Variants in TMEM273 observed in about 807,000 individuals in gnomAD.
TMEM273 encodes chromosome 10 open reading frame 128.
A neutral mutation model predicts 17.9 loss-of-function variants in TMEM273; 19 were observed. The observed-to-expected ratio is 1.06, with a 90% CI of 0.74 to 1.55. The LOEUF is 1.55. Among genes scored for constraint, TMEM273 ranks in the 40% most tolerant of loss-of-function variants. TMEM273 has a pLI of 0.00. For synonymous variants in TMEM273, 66 were observed against 62.0 expected, an observed-to-expected ratio of 1.07 and a Z score of -0.31; for missense variants, 194 against 155.6, an observed-to-expected ratio of 1.25 and a Z score of -1.31.
Position 49,166,975 on chromosome 10 carries a change from A to G in TMEM273, c.132T>C (p.Gly44=), listed in dbSNP as rs1846233474. Residue 44 remains glycine, a synonymous_variant, in exon 3 of 7, where the codon GGT becomes GGC. Coordinates refer to ENST00000374153, the MANE Select transcript of TMEM273 (RefSeq NM_001288740.3). ...CCAGGAAGCCAGCAGATATGGCGAC[A>G]CCCACAGCAGTCCCGATGAGGGCGT... The part of the protein sequence containing the change: ...FKYALIGTAV[G]VAISAGFLAL... 5 of 1,614,078 alleles carry G rather than the reference A, an allele frequency of 3.1e-6. No individual in the cohort carries two copies. The highest frequency in any genetic ancestry group is 4.2e-6 in the Non-Finnish European group (5 of 1,180,046).
intron 1 of TMEM273, among the ~76,000 whole-genome samples, chr10:49,186,353 A>AAT (rs1267394874): frequency 2.0e-5 from 3 of 152,208 alleles, no homozygotes; most frequent in African/African-American, 7.2e-5. Flanking sequence ...AGTGTTGAAT[A>AAT]ATACCCTGTG....
At chr10:49,182,054 CT>C (rs1847378296) in intron 1 of TMEM273, among the ~76,000 whole-genome samples, 1 of 152,222 alleles carries the variant, frequency 6.6e-6, no homozygotes, top group Admixed American at 6.5e-5. Flanking sequence ...AACTCTTGCC[CT>C]ATCAGGAAGT....
chr10:49,164,431 C>T (rs899907118), intron 5 of TMEM273, among the ~76,000 whole-genome samples: 4 of 152,150 alleles, frequency 2.6e-5, no homozygotes, highest in Admixed American at 2.6e-4. Flanking sequence ...AGCACATCTT[C>T]CTGGCTGCAG....
In TMEM273 at chr10:49,154,896, A is replaced by C. The variant is rs1845428159; in HGVS notation, c.*996T>G. ...GAGTCCAGGCAAATCATGACAACAC[A>C]GCACTTTGTTCTGAAATATAGCTCA... On this transcript the variant is annotated 3_prime_UTR_variant, in exon 7 of 7. Coordinates refer to ENST00000374153, the MANE Select transcript of TMEM273 (RefSeq NM_001288740.3). The C allele has an allele frequency of 6.6e-6, 1 of 152,250 alleles. No individual in the cohort carries two copies. The highest frequency in any genetic ancestry group is 2.1e-4 in the South Asian group (1 of 4,832). The allele number at this position is 152,250 out of a possible 1,614,324, so 9.4% of individuals were successfully genotyped here.
intron 6 of TMEM273, chr10:49,160,583 A>G (rs1204551176): frequency 6.6e-6 from 1 of 152,212 alleles, no homozygotes; most frequent in Non-Finnish European, 1.5e-5. Flanking sequence ...GCAATAAAAG[A>G]TACTTCTGAA....
intron 1 of TMEM273, chr10:49,178,374 C>G (rs1590239174): frequency 2.2e-6 from 1 of 446,020 alleles, no homozygotes; most frequent in African/African-American, 2.0e-5. Flanking sequence ...TGAGCAGGTT[C>G]TAGAGCAATG....
intron 1 of TMEM273, among the ~76,000 whole-genome samples, chr10:49,174,643 A>G (rs1310978726): frequency 1.3e-5 from 2 of 152,128 alleles, no homozygotes; most frequent in African/African-American, 4.8e-5. Flanking sequence ...CTGGGGCAGA[A>G]CCCAAACCTA....
In TMEM273 at chr10:49,165,434, C is replaced by T. The variant is rs1048519308; in HGVS notation, c.270-151G>A. 2.1e-4 allele frequency: 308 copies of T among 1,494,752 alleles called. 1 individual carries two copies. The highest frequency in any genetic ancestry group is 1.2e-3 in the Middle Eastern group (5 of 4,144). 92.6% of individuals were successfully genotyped at this position (1,494,752 alleles called of 1,614,324 possible). A position where few individuals can be genotyped will look rare whatever the true frequency, so the allele number is the denominator to read the frequency against. ...ACCTGGGACAAACCACGTGTGACCT[C>T]CCAAGTGACAGGGGCTGGAGGCCTC... On this transcript the variant is annotated intron_variant, in intron 4 of 6. Transcript: ENST00000374153.
chr10:49,155,858 A>C lies in TMEM273; in HGVS notation c.*34T>G. ...ACCATGGGCTGTTTTCCACGGGGCTAGAACCCCTCTTCACGTCACTGCTCA... is the reference window on the plus strand; with the variant it reads ...ACCATGGGCTGTTTTCCACGGGGCTCGAACCCCTCTTCACGTCACTGCTCA... On this transcript the variant is annotated 3_prime_UTR_variant, in exon 7 of 7. Coordinates refer to ENST00000374153, the MANE Select transcript of TMEM273 (RefSeq NM_001288740.3). 1 of 1,614,168 alleles carries C rather than the reference A, an allele frequency of 6.2e-7. No individual in the cohort carries two copies. Among genetic ancestry groups the C allele is most frequent in the Non-Finnish European group, 8.5e-7 (1 of 1,180,020 alleles).
intron 1 of TMEM273, among the ~76,000 whole-genome samples, chr10:49,184,807 C>T (rs573085475): frequency 1.8e-4 from 28 of 152,292 alleles, no homozygotes; most frequent in South Asian, 8.3e-4. Flanking sequence ...GAGGGCTCAT[C>T]GAAGCCTCAG....
At chr10:49,174,069 A>T (rs1186629106) in intron 1 of TMEM273, among the ~76,000 whole-genome samples, 7 of 152,058 alleles carry the variant, frequency 4.6e-5, no homozygotes. Context: ...CCCTTTTTTC[A>T]TCTGAAAATG....
chr10:49,180,203 C>A (rs1466702319), intron 1 of TMEM273, among the ~76,000 whole-genome samples: 1 of 152,174 alleles, frequency 6.6e-6, no homozygotes, highest in East Asian at 1.9e-4. Context: ...CACGAGGCTA[C>A]CCCCACCCCA....
At chr10:49,162,130 A>G (rs1261807913) in intron 5 of TMEM273, among the ~76,000 whole-genome samples, 1 of 152,224 alleles carries the variant, frequency 6.6e-6, no homozygotes, top group African/African-American at 2.4e-5. Flanking sequence ...AAAAACACAT[A>G]TAACAGAGAC....
chr10:49,163,806 A>G (rs1037589293), intron 5 of TMEM273, among the ~76,000 whole-genome samples: 1 of 152,112 alleles, frequency 6.6e-6, no homozygotes, highest in Non-Finnish European at 1.5e-5. Flanking sequence ...ACTGCTGAAA[A>G]CTAGAATATC....
intron 5 of TMEM273, among the ~76,000 whole-genome samples, chr10:49,162,367 A>G (rs764651748): frequency 5.9e-5 from 9 of 152,222 alleles, no homozygotes; most frequent in Non-Finnish European, 1.2e-4. Context: ...ACACACACAT[A>G]TGCGTGCGCA....
At chr10:49,170,985 G>A (rs981265056) in intron 1 of TMEM273, among the ~76,000 whole-genome samples, 4 of 152,246 alleles carry the variant, frequency 2.6e-5, no homozygotes, top group Non-Finnish European at 5.9e-5. Flanking sequence ...ATCACAGCCA[G>A]AGGTCTCTGG....
chr10:49,165,676 G>C, intron 4 of TMEM273, 90 bp downstream of exon 4: 3 of 1,556,068 alleles, frequency 1.9e-6, no homozygotes, highest in Non-Finnish European at 2.7e-6. Context: ...AGAGTGCAGA[G>C]AAGGCTGGGG....
chr10:49,180,181 C>A (rs544150211), intron 1 of TMEM273, among the ~76,000 whole-genome samples: 59 of 152,336 alleles, frequency 3.9e-4, no homozygotes, highest in African/African-American at 1.4e-3. Context: ...ACGTCCTACA[C>A]TGCCCAGCCA....
chr10:49,168,187 C>T (rs1008518006), intron 1 of TMEM273, among the ~76,000 whole-genome samples: 2 of 152,172 alleles, frequency 1.3e-5, no homozygotes, highest in Admixed American at 6.5e-5. Context: ...GTCAGCCGTT[C>T]AGCACAGTTT....
Sources: allele counts gnomAD v4.1 joint callset (sites outside exome capture counted in the v4.1 genomes callset), GRCh38; gene constraint gnomAD v4.1.1; transcripts MANE v1.5; gene names NCBI Gene and HGNC (gene_info 2026-07-23, HGNC 2026-07-21).